The following SLIT3 variants were observed in gnomAD, a reference collection of about 807,000 sequenced individuals.
The protein encoded by SLIT3 is slit homolog 3 protein.
A neutral mutation model predicts 184.0 loss-of-function variants in SLIT3; 68 were observed. The observed-to-expected ratio is 0.37, with a 90% confidence interval of 0.30 to 0.45. The LOEUF (loss-of-function observed/expected upper bound fraction) is 0.45. Among genes scored for constraint, SLIT3 ranks in the 20% least tolerant of loss-of-function variants. The pLI is 1.00. For missense variants in SLIT3, 1,707 were observed against 2,026.0 expected (o/e 0.84, Z 3.02); for synonymous variants, 831 against 828.6 (o/e 1.00, Z -0.05).
At chr5:168,861,831 A>G (rs141125841) in intron 5 of SLIT3, among the ~76,000 whole-genome samples, 1 of 152,386 alleles carries the variant, frequency 6.6e-6, no homozygotes, top group Non-Finnish European at 1.5e-5. Context: ...ACATGTAAAG[A>G]GAGCCCAGGA....
intron 11 of SLIT3, among the ~76,000 whole-genome samples, chr5:168,787,780 G>A (rs1164266236): frequency 6.6e-6 from 1 of 152,094 alleles, no homozygotes; most frequent in Admixed American, 6.5e-5. Flanking sequence ...TTGAATGAAT[G>A]AATGCACGCA....
intron 4 of SLIT3, among the ~76,000 whole-genome samples, chr5:168,964,350 TG>T (rs2113295997): frequency 6.6e-6 from 1 of 152,364 alleles, no homozygotes; most frequent in South Asian, 2.1e-4. Flanking sequence ...CCTAACCTGT[TG>T]GAAGTAAGTT....
chr5:168,892,102 C>G (rs1452171790), intron 4 of SLIT3, among the ~76,000 whole-genome samples: 1 of 152,086 alleles, frequency 6.6e-6, no homozygotes, highest in Non-Finnish European at 1.5e-5. Flanking sequence ...AAATATATCA[C>G]AAGCCAAGAA....
At chr5:169,050,686 T>G (rs1161297760) in intron 4 of SLIT3, among the ~76,000 whole-genome samples, 2 of 151,338 alleles carry the variant, frequency 1.3e-5, no homozygotes, top group East Asian at 3.9e-4. Context: ...CAGCCTATAA[T>G]AGCACTTTTT....
chr5:168,902,429 A>G (rs1003066973), intron 4 of SLIT3, among the ~76,000 whole-genome samples: 1 of 152,200 alleles, frequency 6.6e-6, no homozygotes, highest in South Asian at 2.1e-4. Flanking sequence ...TGTTTGTATG[A>G]TGGGAATATG....
intron 14 of SLIT3, among the ~76,000 whole-genome samples, chr5:168,771,003 G>T (rs76794575): frequency 6.6e-6 from 1 of 152,102 alleles, no homozygotes; most frequent in Admixed American, 6.5e-5. Flanking sequence ...GCCACGCAGG[G>T]CCGCCACATC....
At chr5:169,130,847 C>G (rs553413181) in intron 4 of SLIT3, among the ~76,000 whole-genome samples, 1 of 152,008 alleles carries the variant, frequency 6.6e-6, no homozygotes, top group South Asian at 2.1e-4. Context: ...AGGAGCTCAA[C>G]ATAATGTTGA....
chr5:169,009,794 G>A (rs1756070799), intron 4 of SLIT3, among the ~76,000 whole-genome samples: 3 of 152,156 alleles, frequency 2.0e-5, no homozygotes, highest in South Asian at 4.1e-4. Flanking sequence ...ACTGAGAAAG[G>A]AACACTGTAA....
intron 4 of SLIT3, among the ~76,000 whole-genome samples, chr5:169,013,902 C>T (rs1434368606): frequency 6.6e-6 from 1 of 152,178 alleles, no homozygotes; most frequent in East Asian, 1.9e-4. Flanking sequence ...GGCTTGCAGG[C>T]CTCTAGGCTG....
intron 20 of SLIT3, among the ~76,000 whole-genome samples, chr5:168,739,981 T>C (rs553885836): frequency 1.3e-5 from 2 of 152,362 alleles, no homozygotes; most frequent in East Asian, 3.9e-4. Flanking sequence ...TATATAATTG[T>C]TACTTTTAAA....
chr5:168,902,982 G>A (rs1760921997), intron 4 of SLIT3, among the ~76,000 whole-genome samples: 1 of 152,180 alleles, frequency 6.6e-6, no homozygotes, highest in Non-Finnish European at 1.5e-5. Context: ...ATCTGAGGAC[G>A]AGAAGGAGCC....
At chr5:168,771,201 G>C (rs979980658) in intron 14 of SLIT3, among the ~76,000 whole-genome samples, 2 of 152,160 alleles carry the variant, frequency 1.3e-5, no homozygotes, top group Admixed American at 6.5e-5. Flanking sequence ...GAGTCATGAG[G>C]AAAGGTGCTG....
chr5:168,962,218 T>A lies in SLIT3; in HGVS notation c.414-78882A>T, dbSNP rs139015496. On this transcript the variant is annotated intron_variant, in intron 4 of 35. Coordinates refer to ENST00000519560, the MANE Select transcript of SLIT3 (RefSeq NM_003062.4). ...TGGCTGGTCACACTGGAGATGCAGCTTCCAGATGTGGAGAGCACAAGCATT... is the reference window on the plus strand; with the variant it reads ...TGGCTGGTCACACTGGAGATGCAGCATCCAGATGTGGAGAGCACAAGCATT... Among the ~76,000 whole-genome samples, 165 of 152,072 alleles carry A rather than the reference T, an allele frequency of 1.1e-3. 1 individual carries two copies. Among genetic ancestry groups the A allele is most frequent in the Non-Finnish European group, 1.7e-3 (113 of 68,002 alleles).
At chr5:169,015,413 T>C (rs1287985120) in intron 4 of SLIT3, among the ~76,000 whole-genome samples, 2 of 152,194 alleles carry the variant, frequency 1.3e-5, no homozygotes, top group Non-Finnish European at 2.9e-5. Context: ...TCAGCAATGA[T>C]GTTCCAAAAG....
chr5:168,940,926 G>A (rs1003104801), intron 4 of SLIT3, among the ~76,000 whole-genome samples: 1 of 152,106 alleles, frequency 6.6e-6, no homozygotes, highest in Admixed American at 6.6e-5. Context: ...CAACCACTCA[G>A]GATCCCCCAG....
intron 21 of SLIT3, among the ~76,000 whole-genome samples, 164 bp from the exon 22 acceptor site, chr5:168,723,168 G>A (rs1762998675): frequency 6.6e-6 from 1 of 151,068 alleles, no homozygotes; most frequent in African/African-American, 2.4e-5. Context: ...TCCCGCTGCT[G>A]GCCTGTTTAT....
intron 1 of SLIT3, among the ~76,000 whole-genome samples, chr5:169,251,670 A>G (rs567502201): frequency 6.6e-6 from 1 of 152,292 alleles, no homozygotes; most frequent in African/African-American, 2.4e-5. Context: ...TTTTATATGT[A>G]ACTGCCTGCC....
At chr5:168,782,431 C>T (rs559727990) in intron 12 of SLIT3, among the ~76,000 whole-genome samples, 1 of 152,288 alleles carries the variant, frequency 6.6e-6, no homozygotes, top group East Asian at 1.9e-4. Flanking sequence ...CAGCCTTTTC[C>T]TGCTTTGGGA....
At chr5:169,029,842 G>A (rs557299760) in intron 4 of SLIT3, among the ~76,000 whole-genome samples, 1 of 152,076 alleles carries the variant, frequency 6.6e-6, no homozygotes, top group Non-Finnish European at 1.5e-5. Flanking sequence ...GTAATTTAGG[G>A]GCAATTAGCA....
Sources: allele counts gnomAD v4.1 joint callset (sites outside exome capture counted in the v4.1 genomes callset), GRCh38; gene constraint gnomAD v4.1.1; transcripts MANE v1.5; gene names NCBI Gene and HGNC (gene_info 2026-07-23, HGNC 2026-07-21).